The following P2RY6 variants were observed in gnomAD, a reference collection of about 807,000 sequenced individuals.
The protein encoded by P2RY6 is P2Y purinoceptor 6.
P2RY6 carries 19 observed loss-of-function variants against 16.3 expected under a neutral mutation model. The observed-to-expected ratio is 1.16, with a 90% CI of 0.81 to 1.71. P2RY6 has a LOEUF of 1.71. Ranked by LOEUF, P2RY6 falls within the 40% of genes most tolerant of loss-of-function variation. The pLI is 0.00. For missense variants in P2RY6, 389 were observed against 455.5 expected, an observed-to-expected ratio of 0.85 and a Z score of 1.33; for synonymous variants, 184 against 201.5, an observed-to-expected ratio of 0.91 and a Z score of 0.74.
At chr11:73,280,141 A>C (rs35963948) in intron 1 of P2RY6, among the ~76,000 whole-genome samples, 3 of 152,070 alleles carry the variant, frequency 2.0e-5, no homozygotes, top group Non-Finnish European at 2.9e-5. Flanking sequence ...TTCCTACCCC[A>C]GTCCTGCTCT....
chr11:73,292,031 G>T (rs1864272569), intron 1 of P2RY6, among the ~76,000 whole-genome samples: 1 of 152,262 alleles, frequency 6.6e-6, no homozygotes, highest in African/African-American at 2.4e-5. Context: ...GGCCTCCCTG[G>T]GACAGTGAGG....
Position 73,296,468 on chromosome 11 carries a change from G to A in P2RY6, c.-34-17G>A. On this transcript the variant is annotated splice_polypyrimidine_tract_variant and intron_variant, in intron 2 of 2. Coordinates refer to ENST00000540124, the MANE Select transcript of P2RY6 (RefSeq NM_001277204.2). ...TGAGTGAGCATGTCACTGACAGGCT[G>A]TGTATTGCTTTCCCAGCCTCCCTGA... is the stretch of plus-strand genomic sequence containing the variant. 1 of 1,592,796 alleles carries A rather than the reference G, an allele frequency of 6.3e-7. No individual in the cohort carries two copies. The highest frequency in any genetic ancestry group is 8.6e-7 in the Non-Finnish European group (1 of 1,166,838).
intron 1 of P2RY6, 76 bp from the exon 2 acceptor site, chr11:73,295,654 C>A: frequency 4.2e-6 from 2 of 478,160 alleles, no homozygotes; most frequent in Non-Finnish European, 5.5e-6. Flanking sequence ...AGAGGCTCTG[C>A]CAAACCTGCC....
chr11:73,296,233 A>AAAAATAT (rs57187973), intron 2 of P2RY6, among the ~76,000 whole-genome samples: 37 of 124,508 alleles, frequency 3.0e-4, no homozygotes, highest in Admixed American at 1.2e-3. Flanking sequence ...GAAAAAAAAA[A>AAAAATAT]ATATATATAT....
At chr11:73,272,252 C>T (rs73538790), upstream of P2RY6, 3,654 of 706,718 alleles carry the variant, frequency 5.2e-3, 122 homozygotes, top group African/African-American at 0.065. Context: ...GGATTCGAGT[C>T]CTGGCCCTGC....
At chr11:73,268,621 C>A (rs565391710), upstream of P2RY6, among the ~76,000 whole-genome samples, 2 of 152,246 alleles carry the variant, frequency 1.3e-5, no homozygotes, top group South Asian at 4.1e-4. Context: ...GAGACCCTGT[C>A]TGGAAAAAAA....
chr11:73,297,525 G>A lies in P2RY6; in HGVS notation c.*20G>A. 6.3e-7 allele frequency: 1 copy of A among 1,585,726 alleles called. No individual in the cohort carries two copies. The highest frequency in any genetic ancestry group is 8.6e-7 in the Non-Finnish European group (1 of 1,160,166). On this transcript the variant is annotated 3_prime_UTR_variant, in exon 3 of 3. Coordinates refer to ENST00000540124, the MANE Select transcript of P2RY6 (RefSeq NM_001277204.2). The stretch of plus-strand genomic sequence containing the variant: ...CGCTGAGTCCTCCAGGTCCTGGGCA[G>A]CCTTCATATTTGCCATTGTGTCCGG...
chr11:73,273,281 C>T (rs1591664401), intron 1 of P2RY6, among the ~76,000 whole-genome samples: 1 of 152,090 alleles, frequency 6.6e-6, no homozygotes, highest in Admixed American at 6.5e-5. Flanking sequence ...ATTTGGGACT[C>T]TCATCTCTTG....
At chr11:73,279,888 A>T (rs1863687103) in intron 1 of P2RY6, among the ~76,000 whole-genome samples, 1 of 152,206 alleles carries the variant, frequency 6.6e-6, no homozygotes, top group African/African-American at 2.4e-5. Flanking sequence ...AGAGTCCAGG[A>T]ATCTGATGGG....
chr11:73,290,306 A>C (rs868549063), intron 1 of P2RY6, among the ~76,000 whole-genome samples: 3 of 43,768 alleles, frequency 6.9e-5, no homozygotes, highest in Non-Finnish European at 1.0e-4. Context: ...AAGAAAGAAA[A>C]GAAAGAAAGA....
chr11:73,279,140 C>A (rs891301319), intron 1 of P2RY6, among the ~76,000 whole-genome samples: 2 of 150,498 alleles, frequency 1.3e-5, no homozygotes, highest in Non-Finnish European at 2.9e-5. Context: ...TGTTGAGCAT[C>A]TTTTCATATG....
intron 1 of P2RY6, among the ~76,000 whole-genome samples, chr11:73,266,589 G>A (rs2135674955): frequency 6.6e-6 from 1 of 152,284 alleles, no homozygotes; most frequent in Non-Finnish European, 1.5e-5. Context: ...TTGTTTCTGG[G>A]GCTAAAACTT....
chr11:73,292,966 CGGGGGGTGGGGGG>C, intron 1 of P2RY6: 9 of 18,202 alleles, frequency 4.9e-4, no homozygotes, highest in East Asian at 6.1e-3. Flanking sequence ...GCAGGGGTTG[CGGGGGGTGGGGGG>C]GGGAGGTGGA....
chr11:73,294,573 C>T (rs1864399228), intron 1 of P2RY6, among the ~76,000 whole-genome samples: 1 of 152,180 alleles, frequency 6.6e-6, no homozygotes, highest in Non-Finnish European at 1.5e-5. Context: ...GCACCCCTAG[C>T]ATATGGGCTA....
rs1864226857 is a variant in P2RY6 at position 73,291,118 on chromosome 11, A to T, written c.-120-4612A>T. Reference sequence around the variant, plus strand: ...TTCTCCATCTGTCAAGTGGGACCCCATGAGCCTTTCCTTCCCCTCTGAGGT... The same window carrying T: ...TTCTCCATCTGTCAAGTGGGACCCCTTGAGCCTTTCCTTCCCCTCTGAGGT... On this transcript the variant is annotated intron_variant, in intron 1 of 2. Coordinates refer to ENST00000540124, the MANE Select transcript of P2RY6 (RefSeq NM_001277204.2). Among the ~76,000 whole-genome samples the T allele has an allele frequency of 2.6e-5, 4 of 152,158 alleles. No homozygotes were observed. In the South Asian group the frequency reaches 8.3e-4, roughly 32 times the overall value.
intron 1 of P2RY6, chr11:73,292,711 C>T (rs1485563077): frequency 4.5e-5 from 32 of 717,530 alleles, no homozygotes; most frequent in South Asian, 6.3e-5. Flanking sequence ...AGGCACTAGG[C>T]GTGGTGTTGG....
At chr11:73,291,748 G>T (rs1266297639) in intron 1 of P2RY6, among the ~76,000 whole-genome samples, 1 of 152,232 alleles carries the variant, frequency 6.6e-6, no homozygotes, top group African/African-American at 2.4e-5. Context: ...CAGGGTAGAA[G>T]ATGAGCCACC....
chr11:73,292,946 A>G, intron 1 of P2RY6: 3 of 402,168 alleles, frequency 7.5e-6, no homozygotes, highest in Non-Finnish European at 8.6e-6. Flanking sequence ...TCTTGGGGCC[A>G]TGGGCCAGTG....
chr11:73,275,105 T>G (rs1449012032), intron 1 of P2RY6, among the ~76,000 whole-genome samples: 1 of 152,198 alleles, frequency 6.6e-6, no homozygotes, highest in African/African-American at 2.4e-5. Context: ...GCTGGGTCAG[T>G]GGCTTCTGTG....
Sources: allele counts gnomAD v4.1 joint callset (sites outside exome capture counted in the v4.1 genomes callset), GRCh38; gene constraint gnomAD v4.1.1; transcripts MANE v1.5; gene names NCBI Gene and HGNC (gene_info 2026-07-23, HGNC 2026-07-21).